The following LRCH2 variants were observed in gnomAD, a reference collection of about 807,000 sequenced individuals.
The protein encoded by LRCH2 is leucine-rich repeat and calponin homology domain-containing protein 2.
In LRCH2, 38 loss-of-function variants were observed where a neutral mutation model predicts 68.9. The observed-to-expected ratio is 0.55, with a 90% CI of 0.43 to 0.72. LRCH2 has a LOEUF of 0.72. Ranked by LOEUF, LRCH2 falls within the 30% of genes least tolerant of loss-of-function variation. LRCH2 has a pLI of 0.00. For synonymous variants in LRCH2, 191 were observed against 208.1 expected (o/e 0.92, Z 0.71); for missense variants, 528 against 572.9 (o/e 0.92, Z 0.80).
chrX:115,185,345 A>G (rs1488343399), intron 2 of LRCH2, among the ~76,000 whole-genome samples: 15 of 111,771 alleles, frequency 1.3e-4, no homozygotes, highest in African/African-American at 4.5e-4. Context: ...TCAAAGTCAC[A>G]CAGCTGTTAA....
chrX:115,127,440 C>A (rs1556528487), intron 15 of LRCH2, among the ~76,000 whole-genome samples: 1 of 111,886 alleles, frequency 8.9e-6, no homozygotes, highest in Non-Finnish European at 1.9e-5. Flanking sequence ...AAAATGTATT[C>A]ATTCAACAAA....
chrX:115,192,527 T>C (rs1556561478), intron 1 of LRCH2: 10 of 1,167,862 alleles, frequency 8.6e-6, no homozygotes, highest in African/African-American at 1.8e-5. Context: ...CCTCTGCCCA[T>C]GGAAACGGGC....
rs2072056396 is a variant in LRCH2, at chrX:115,113,276, G to T, written c.2238C>A (p.Val746=). 8.4e-7 allele frequency: 1 copy of T among 1,195,081 alleles called. No individual in the cohort carries two copies. The highest frequency in any genetic ancestry group is 2.2e-5 in the Admixed American group (1 of 45,222). ...LEERGLVKVG[V]TVQALLELPT... ...GTAATTCAAGGAGCGCCTGAACTGT[G>T]ACACCAACTTTCACAAGTCCTCGTT... is the stretch of plus-strand genomic sequence containing the variant. The change falls in exon 21 of 21, where the codon GTC becomes GTA. Residue 746 remains valine (V), a synonymous_variant. Coordinates refer to ENST00000317135, the MANE Select transcript of LRCH2 (RefSeq NM_020871.4).
At chrX:115,210,971 T>G (rs1209726166) in intron 1 of LRCH2, among the ~76,000 whole-genome samples, 4 of 112,122 alleles carry the variant, frequency 3.6e-5, no homozygotes, top group Admixed American at 2.8e-4. Context: ...GATGCCTGTA[T>G]CCCCATTGTA....
intron 1 of LRCH2, among the ~76,000 whole-genome samples, chrX:115,207,961 T>C (rs2072980716): frequency 9.0e-6 from 1 of 111,566 alleles, no homozygotes; most frequent in East Asian, 2.8e-4. Context: ...ACTGGAATAA[T>C]TGTGCCACAC....
At chrX:115,226,872 A>G (rs2073122307) in intron 1 of LRCH2, among the ~76,000 whole-genome samples, 1 of 111,396 alleles carries the variant, frequency 9.0e-6, no homozygotes, top group Non-Finnish European at 1.9e-5. Flanking sequence ...TCTAAAGGCC[A>G]ATCCTCCAAC....
chrX:115,220,417 G>A (rs782549061), intron 1 of LRCH2, among the ~76,000 whole-genome samples: 1 of 111,875 alleles, frequency 8.9e-6, no homozygotes, highest in African/African-American at 3.2e-5. Flanking sequence ...GAGGCTTTTT[G>A]CAAGAGAAGA....
At chrX:115,176,482 A>G (rs782268550) in intron 5 of LRCH2, among the ~76,000 whole-genome samples, 2 of 98,716 alleles carry the variant, frequency 2.0e-5, no homozygotes, top group African/African-American at 3.6e-5. Context: ...AAAAATGTCT[A>G]TTCAAGTCCT....
chrX:115,190,719 C>T lies in LRCH2; in HGVS notation c.350-2349G>A, dbSNP rs368002966. On this transcript the variant is annotated intron_variant, in intron 1 of 20. Coordinates refer to ENST00000317135, the MANE Select transcript of LRCH2 (RefSeq NM_020871.4). ...GAGGAGAAGGCCGCTATGAGGAGTA[C>T]CGAGGCCGCTCACACGAGGCCCGCA... 24 of 1,137,533 alleles carry T rather than the reference C, an allele frequency of 2.1e-5. No homozygotes were observed. The African/African-American group carries it at 4.0e-4, about 19-fold the overall frequency. 93.7% of individuals were successfully genotyped at this position (1,137,533 alleles called of 1,213,427 possible).
chrX:115,145,027 A>T (rs2072369876), intron 14 of LRCH2, among the ~76,000 whole-genome samples: 1 of 111,920 alleles, frequency 8.9e-6, no homozygotes, highest in Non-Finnish European at 1.9e-5. Flanking sequence ...GAGGAATCAC[A>T]TTACATGACT....
chrX:115,191,791 G>A (rs1556560109), intron 1 of LRCH2: 3 of 1,157,157 alleles, frequency 2.6e-6, no homozygotes, highest in Admixed American at 5.3e-5. Flanking sequence ...GGAGTACCGA[G>A]GCCGCTCGCT....
chrX:115,152,784 A>G (rs1342850544), intron 12 of LRCH2, among the ~76,000 whole-genome samples: 1 of 111,387 alleles, frequency 9.0e-6, no homozygotes, highest in African/African-American at 3.3e-5. Flanking sequence ...CAAAAGTAAC[A>G]TGAAGAAAAC....
At chrX:115,180,096 A>G (rs955603433) in intron 3 of LRCH2, among the ~76,000 whole-genome samples, 5 of 111,682 alleles carry the variant, frequency 4.5e-5, no homozygotes, top group African/African-American at 1.6e-4. Context: ...AAAGACTAAC[A>G]ACTCTCAAAC....
intron 20 of LRCH2, among the ~76,000 whole-genome samples, chrX:115,120,207 A>G (rs1556525396): frequency 3.1e-5 from 3 of 97,512 alleles, no homozygotes; most frequent in Non-Finnish European, 6.2e-5. Context: ...GCACAGCAAA[A>G]GAAACTACCA....
chrX:115,173,421 C>T (rs2072620384), intron 5 of LRCH2, among the ~76,000 whole-genome samples: 1 of 111,873 alleles, frequency 8.9e-6, no homozygotes, highest in Non-Finnish European at 1.9e-5. Context: ...CATGCACTCA[C>T]AGATGATAAA....
intron 1 of LRCH2, chrX:115,189,952 G>C: frequency 1.7e-6 from 2 of 1,160,733 alleles, no homozygotes; most frequent in Non-Finnish European, 2.3e-6. Flanking sequence ...GTCGAGCCTG[G>C]CTCACAGCGT....
intron 1 of LRCH2, among the ~76,000 whole-genome samples, chrX:115,231,108 C>A (rs1451798430): frequency 9.0e-6 from 1 of 111,551 alleles, no homozygotes; most frequent in Non-Finnish European, 1.9e-5. Context: ...CAGATTCTCA[C>A]CACCTCTCAC....
chrX:115,127,416 T>C (rs918946458), intron 15 of LRCH2, among the ~76,000 whole-genome samples: 8 of 112,153 alleles, frequency 7.1e-5, no homozygotes, highest in Non-Finnish European at 1.1e-4. Context: ...ACTTTGAATA[T>C]GCACACTACA....
chrX:115,178,496 A>G (rs782083838), intron 5 of LRCH2, among the ~76,000 whole-genome samples: 1 of 111,358 alleles, frequency 9.0e-6, no homozygotes, highest in East Asian at 2.9e-4. Flanking sequence ...TCCACAAACC[A>G]TCATGTTTTC....
Sources: allele counts gnomAD v4.1 joint callset (sites outside exome capture counted in the v4.1 genomes callset), GRCh38; gene constraint gnomAD v4.1.1; transcripts MANE v1.5; gene names NCBI Gene and HGNC (gene_info 2026-07-23, HGNC 2026-07-21).